TTC23L: variants seen among roughly 807,000 people sequenced by gnomAD.
TTC23L encodes tetratricopeptide repeat domain 23 like, also known as tetratricopeptide repeat protein 23-like.
In TTC23L, 42 loss-of-function variants were observed where a neutral mutation model predicts 48.1. That is an observed-to-expected ratio of 0.87 (90% confidence interval 0.68 to 1.13). The LOEUF is 1.13. Among genes scored for constraint, TTC23L ranks in the 50% most tolerant of loss-of-function variants. The pLI is 0.00. For synonymous variants in TTC23L, 159 were observed against 157.2 expected (o/e 1.01, Z -0.09); for missense variants, 391 against 421.0 (o/e 0.93, Z 0.62).
chr5:34,869,938 T>C (rs1235782318), intron 8 of TTC23L: 1 of 152,174 alleles, frequency 6.6e-6, no homozygotes. Context: ...TTTCTCCTTT[T>C]AAGATTTCCT....
At chr5:34,903,543 T>C (rs1172918666), downstream of TTC23L, among the ~76,000 whole-genome samples, 1 of 152,178 alleles carries the variant, frequency 6.6e-6, no homozygotes, top group Admixed American at 6.5e-5. Context: ...TCTGTGGGTT[T>C]GGAAAAATTA....
intron 4 of TTC23L, among the ~76,000 whole-genome samples, chr5:34,860,252 A>C (rs1053674680): frequency 2.0e-5 from 3 of 152,102 alleles, no homozygotes; most frequent in Non-Finnish European, 4.4e-5. Context: ...ACACATACAT[A>C]CACACACTTG....
In TTC23L at chr5:34,880,909, G is replaced by A. The variant is rs527859904; in HGVS notation, c.1077+601G>A. Among the ~76,000 whole-genome samples, 4 of 152,152 alleles carry A rather than the reference G, an allele frequency of 2.6e-5. No homozygotes were observed. In the South Asian group the frequency reaches 8.3e-4, roughly 32 times the overall value. ...CTGCCTTGGCCTCCCACAGTGCTGGGATTACAGGAGTGAGCCACTGTGCCC... is the reference window on the plus strand; with the variant it reads ...CTGCCTTGGCCTCCCACAGTGCTGGAATTACAGGAGTGAGCCACTGTGCCC... On this transcript the variant is annotated intron_variant, in intron 9 of 10. Coordinates refer to ENST00000505624, the Ensembl canonical transcript of TTC23L.
chr5:34,839,671 G>A, intron 1 of TTC23L: 1 of 985,322 alleles, frequency 1.0e-6, no homozygotes, highest in Non-Finnish European at 1.2e-6. Flanking sequence ...AAGCCACTCA[G>A]GGCTCGGTGG....
chr5:34,888,703 T>C (rs542960661), intron 9 of TTC23L, among the ~76,000 whole-genome samples: 17 of 152,304 alleles, frequency 1.1e-4, no homozygotes, highest in African/African-American at 4.1e-4. Flanking sequence ...TTGGGGAAAT[T>C]AGTTGATTTC....
the TTC23L span, chr5:34,915,957 GTTAC>G: frequency 8.1e-6 from 12 of 1,474,588 alleles, no homozygotes; most frequent in African/African-American, 2.9e-5. Flanking sequence ...CTTTTCTTGG[GTTAC>G]TTACTTGACT....
intron 1 of TTC23L, among the ~76,000 whole-genome samples, chr5:34,840,139 G>A (rs978432858): frequency 2.0e-5 from 3 of 148,666 alleles, no homozygotes; most frequent in African/African-American, 7.4e-5. Flanking sequence ...TGATCCACCC[G>A]CCTCGGCTTC....
At chr5:34,909,122 G>A in the TTC23L span, 1 of 881,950 alleles carries the variant, frequency 1.1e-6, no homozygotes, top group Non-Finnish European at 1.7e-6. Flanking sequence ...CCCCTAGTAA[G>A]TCCAGCACTC....
intron 2 of TTC23L, among the ~76,000 whole-genome samples, chr5:34,842,907 C>T (rs1292484335): frequency 6.6e-6 from 1 of 152,148 alleles, no homozygotes; most frequent in African/African-American, 2.4e-5. Flanking sequence ...CTCACTGCAC[C>T]CTTCGCCTCC....
chr5:34,885,981 A>G (rs1375471746), intron 9 of TTC23L, among the ~76,000 whole-genome samples: 1 of 152,126 alleles, frequency 6.6e-6, no homozygotes, highest in Admixed American at 6.6e-5. Flanking sequence ...TTTGAAAAAA[A>G]TTAAAATAAA....
chr5:34,851,214 C>T (rs1186412377), intron 4 of TTC23L, among the ~76,000 whole-genome samples: 3 of 152,126 alleles, frequency 2.0e-5, no homozygotes, highest in East Asian at 3.9e-4. Context: ...GGACCTCAGT[C>T]TGAAGGGGGG....
At chr5:34,881,357 A>T (rs555381496) in intron 9 of TTC23L, among the ~76,000 whole-genome samples, 32 of 152,208 alleles carry the variant, frequency 2.1e-4, no homozygotes, top group Non-Finnish European at 3.8e-4. Context: ...TTTTACTTAG[A>T]AGTCCCATGA....
chr5:34,878,723 A>T (rs1367905187), intron 8 of TTC23L, among the ~76,000 whole-genome samples: 1 of 152,208 alleles, frequency 6.6e-6, no homozygotes, highest in Non-Finnish European at 1.5e-5. Flanking sequence ...GAGAAAAGGG[A>T]ACTCTCATAC....
the TTC23L span, chr5:34,925,553 G>T: frequency 6.9e-7 from 1 of 1,447,730 alleles, no homozygotes; most frequent in Non-Finnish European, 9.4e-7. Flanking sequence ...TATTCAATGT[G>T]TAAATACTTT....
At chr5:34,918,268 G>A in the TTC23L span, 1 of 610,480 alleles carries the variant, frequency 1.6e-6, no homozygotes, top group Non-Finnish European at 2.9e-6. Context: ...TGAGCCGTGA[G>A]CACTTCAGCC....
Position 34,846,561 on chromosome 5 carries a change from CAAA to C in TTC23L, c.255+902_255+904del, listed in dbSNP as rs1156709677. Among the ~76,000 whole-genome samples the C allele has an allele frequency of 1.4e-3, 43 of 31,568 alleles. 3 individuals carry two copies. The highest frequency in any genetic ancestry group is 2.1e-3 in the Admixed American group (4 of 1,928). The allele number at this position is 31,568 out of a possible 152,430, so 20.7% of individuals were successfully genotyped here. The stretch of plus-strand genomic sequence containing the variant: ...GGCCGACAACAGCTAGACTCTGTCT[CAAA>C]AAAAAAAAAAAAATATATATATATA... On this transcript the variant is annotated intron_variant, in intron 3 of 10. Transcript: ENST00000505624.
At chr5:34,878,937 T>C (rs577201797) in intron 8 of TTC23L, among the ~76,000 whole-genome samples, 1 of 152,330 alleles carries the variant, frequency 6.6e-6, no homozygotes, top group South Asian at 2.1e-4. Context: ...GATAACAGAA[T>C]CAGTCTAAGT....
the TTC23L span, among the ~76,000 whole-genome samples, chr5:34,911,210 C>T: frequency 6.6e-6 from 1 of 152,144 alleles, no homozygotes; most frequent in Non-Finnish European, 1.5e-5. Context: ...AAAAAGATAC[C>T]ATAATACAAA....
intron 10 of TTC23L, among the ~76,000 whole-genome samples, chr5:34,898,487 C>T (rs572822096): frequency 5.3e-5 from 8 of 152,224 alleles, no homozygotes; most frequent in Non-Finnish European, 5.9e-5. Context: ...GAAGTAGGCC[C>T]GAGGCTGATT....
Sources: allele counts gnomAD v4.1 joint callset (sites outside exome capture counted in the v4.1 genomes callset), GRCh38; gene constraint gnomAD v4.1.1; transcripts MANE v1.5; gene names NCBI Gene and HGNC (gene_info 2026-07-23, HGNC 2026-07-21).